The following PIK3CA variants were observed in gnomAD, a reference collection of about 807,000 sequenced individuals.
The protein encoded by PIK3CA is phosphatidylinositol 4,5-bisphosphate 3-kinase catalytic subunit alpha isoform.
Under a neutral mutation model 138.2 loss-of-function variants are expected in PIK3CA, and 27 were observed. The ratio of observed to expected loss-of-function variants is 0.20; its 90% confidence interval spans 0.14 to 0.27. The LOEUF (loss-of-function observed/expected upper bound fraction) is 0.27. Among genes scored for constraint, PIK3CA ranks in the 10% least tolerant of loss-of-function variants. The pLI, the probability that PIK3CA is intolerant of heterozygous loss-of-function variation, is 1.00. For synonymous variants in PIK3CA, 358 were observed against 413.2 expected, an observed-to-expected ratio of 0.87 and a Z score of 1.62; for missense variants, 544 against 1,277.4, an observed-to-expected ratio of 0.43 and a Z score of 8.75.
chr3:179,197,612 T>C (rs1160213997), intron 1 of PIK3CA, among the ~76,000 whole-genome samples: 1 of 152,242 alleles, frequency 6.6e-6, no homozygotes, highest in African/African-American at 2.4e-5. Flanking sequence ...AATGCACTTT[T>C]GGTGCATAAG....
chr3:179,210,795 G>A (rs1195642138), intron 9 of PIK3CA, among the ~76,000 whole-genome samples: 2 of 152,118 alleles, frequency 1.3e-5, no homozygotes, highest in Non-Finnish European at 2.9e-5. Flanking sequence ...ATTGAATGCC[G>A]ACTATGTGTA....
intron 20 of PIK3CA, among the ~76,000 whole-genome samples, chr3:179,233,703 C>G (rs1725264545): frequency 1.3e-5 from 2 of 152,150 alleles, no homozygotes; most frequent in South Asian, 4.1e-4. Context: ...TATGGTATCT[C>G]ATTAGACTAT....
In PIK3CA at chr3:179,150,199, GTGTT is replaced by G. The variant is rs772627042; in HGVS notation, c.-77+1597_-77+1600del. ...TGTGTGTGTGTGTGTGTGTGTGTGTGTGTTGGTATTTTGCTTAAGTTTTTTCATC... is the reference window on the plus strand; with the variant it reads ...TGTGTGTGTGTGTGTGTGTGTGTGTGGGTATTTTGCTTAAGTTTTTTCATC... On this transcript the variant is annotated intron_variant, in intron 1 of 20. Coordinates refer to ENST00000263967, the MANE Select transcript of PIK3CA (RefSeq NM_006218.4). Among the ~76,000 whole-genome samples the G allele has an allele frequency of 6.6e-4, 97 of 146,836 alleles. No individual in the cohort carries two copies. In the South Asian group the frequency reaches 6.7e-3, roughly 10 times the overall value.
chr3:179,190,007 T>C (rs191979108), intron 1 of PIK3CA, among the ~76,000 whole-genome samples: 21 of 152,298 alleles, frequency 1.4e-4, no homozygotes, highest in Admixed American at 1.2e-3. Context: ...GGAAGAGAAT[T>C]TTAGAGGCCC....
intron 1 of PIK3CA, among the ~76,000 whole-genome samples, chr3:179,182,443 A>G (rs1239854726): frequency 6.6e-6 from 1 of 152,134 alleles, no homozygotes; most frequent in Non-Finnish European, 1.5e-5. Context: ...AGAGGCAGAA[A>G]GATCACCAGA....
At chr3:179,161,741 C>T (rs1324198121) in intron 1 of PIK3CA, among the ~76,000 whole-genome samples, 1 of 152,130 alleles carries the variant, frequency 6.6e-6, no homozygotes, top group Non-Finnish European at 1.5e-5. Context: ...CCAGTGGTCA[C>T]AGGACCAGAT....
At chr3:179,164,380 C>G (rs1013764978) in intron 1 of PIK3CA, among the ~76,000 whole-genome samples, 1 of 152,028 alleles carries the variant, frequency 6.6e-6, no homozygotes, top group African/African-American at 2.4e-5. Context: ...ACATGGGATT[C>G]ATTTACATTG....
At chr3:179,204,795 G>C in intron 6 of PIK3CA, among the ~76,000 whole-genome samples, 1 of 151,942 alleles carries the variant, frequency 6.6e-6, no homozygotes, top group Non-Finnish European at 1.5e-5. Flanking sequence ...GCTGAGGCGG[G>C]TGGATCACGA....
At chr3:179,210,138 A>T in intron 7 of PIK3CA, 48 bp from the exon 8 acceptor site, 1 of 1,400,524 alleles carries the variant, frequency 7.1e-7, no homozygotes, top group Non-Finnish European at 9.7e-7. Flanking sequence ...GTGTTTTGAA[A>T]TGTGTTTTAT....
At chr3:179,233,312 T>G (rs1430782122) in intron 20 of PIK3CA, 1 of 398,324 alleles carries the variant, frequency 2.5e-6, no homozygotes, top group African/African-American at 2.1e-5. Context: ...TGCTTTCAGC[T>G]TTTCCCCATT....
chr3:179,170,465 T>G (rs1337208650), intron 1 of PIK3CA, among the ~76,000 whole-genome samples: 3 of 152,230 alleles, frequency 2.0e-5, no homozygotes, highest in Admixed American at 2.0e-4. Context: ...TTAATTGTAT[T>G]AGTATAAAAG....
chr3:179,161,459 G>A (rs1270790433), intron 1 of PIK3CA, among the ~76,000 whole-genome samples: 1 of 152,210 alleles, frequency 6.6e-6, no homozygotes, highest in Admixed American at 6.5e-5. Context: ...CACTTTGGGA[G>A]GCCGAGGCGG....
chr3:179,210,544 T>C lies in PIK3CA; in HGVS notation c.1518T>C (p.Phe506=), dbSNP rs781006102. Residue 506 remains phenylalanine (F), a synonymous_variant, in exon 9 of 21, where the codon TTT becomes TTC. Transcript: ENST00000263967. ...GGTCTGTATCCCGAGAAGCAGGATT[T>C]AGCTATTCCCACGCAGGACTGGTAA... The part of the protein sequence containing the change: ...ANWSVSREAG[F]SYSHAGLSNR... 1 of 1,614,068 alleles carries C rather than the reference T, an allele frequency of 6.2e-7. No individual in the cohort carries two copies. The highest frequency in any genetic ancestry group is 2.2e-5 in the East Asian group (1 of 44,864).
intron 1 of PIK3CA, chr3:179,169,082 G>C (rs1723488214): frequency 6.6e-6 from 1 of 152,126 alleles, no homozygotes; most frequent in Non-Finnish European, 1.5e-5. Context: ...ATGAGTGGCT[G>C]AGTCATATCT....
intron 1 of PIK3CA, among the ~76,000 whole-genome samples, chr3:179,159,409 A>G (rs1481429833): frequency 6.6e-6 from 1 of 152,100 alleles, no homozygotes; most frequent in Non-Finnish European, 1.5e-5. Context: ...AGTTTTCTTG[A>G]TTTTTCTATA....
At position 179,164,842 on chromosome 3, in the gene PIK3CA, C is replaced by G. The variant is rs1036826948; in HGVS notation, c.-77+16239C>G. 2.6e-5 allele frequency among the ~76,000 whole-genome samples: 4 copies of G among 151,778 alleles called. No homozygotes were observed. In the South Asian group the frequency reaches 8.3e-4, roughly 32 times the overall value. On this transcript the variant is annotated intron_variant, in intron 1 of 20. Transcript: ENST00000263967. ...CAAGATTGCGCCATTGTACTCCAGC[C>G]TGGGCAACAAGAGTGAAACTCTGTC...
At chr3:179,211,157 T>G (rs1394159472) in intron 9 of PIK3CA, among the ~76,000 whole-genome samples, 1 of 152,106 alleles carries the variant, frequency 6.6e-6, no homozygotes, top group African/African-American at 2.4e-5. Context: ...TATACACAAA[T>G]CTATTATAAA....
At chr3:179,214,878 G>A (rs1724801711) in intron 9 of PIK3CA, among the ~76,000 whole-genome samples, 1 of 152,154 alleles carries the variant, frequency 6.6e-6, no homozygotes, top group Non-Finnish European at 1.5e-5. Flanking sequence ...TGATCTAGTT[G>A]TCTAATCTTG....
rs1318176368 is a variant in PIK3CA at position 179,221,064 on chromosome 3, T to C, written c.2094T>C (p.Tyr698=). Residue 698 remains tyrosine (Y), a synonymous_variant, in exon 14 of 21, where the codon TAT becomes TAC. Coordinates refer to ENST00000263967, the MANE Select transcript of PIK3CA (RefSeq NM_006218.4). ...CCTATTGTCGTGCATGTGGGATGTATTTGAAGCACCTGAATAGGCAAGTCG... is the reference window on the plus strand; with the variant it reads ...CCTATTGTCGTGCATGTGGGATGTACTTGAAGCACCTGAATAGGCAAGTCG... The part of the protein sequence containing the change: ...LESYCRACGM[Y]LKHLNRQVEA... The C allele has an allele frequency of 6.2e-7, 1 of 1,613,016 alleles. No individual in the cohort carries two copies. The highest frequency in any genetic ancestry group is 2.2e-5 in the East Asian group (1 of 44,852).
Sources: allele counts gnomAD v4.1 joint callset (sites outside exome capture counted in the v4.1 genomes callset), GRCh38; gene constraint gnomAD v4.1.1; transcripts MANE v1.5; gene names NCBI Gene and HGNC (gene_info 2026-07-23, HGNC 2026-07-21).